Variants in DUS2 observed in about 807,000 individuals in gnomAD.
DUS2 encodes the protein tRNA-dihydrouridine(20) synthase [NAD(P)+]-like.
DUS2 carries 52 observed loss-of-function variants against 71.3 expected under a neutral mutation model. That is an observed-to-expected ratio of 0.73 (90% CI 0.58 to 0.92). The LOEUF (loss-of-function observed/expected upper bound fraction) is 0.92. DUS2 is among the 40% of genes least tolerant of loss of function. The pLI, the probability that DUS2 is intolerant of heterozygous loss-of-function variation, is 0.00. For missense variants in DUS2, 558 were observed against 622.6 expected (o/e 0.90, Z 1.10); for synonymous variants, 204 against 227.8 (o/e 0.90, Z 0.94).
At chr16:68,045,907 G>A (rs2033693779) in intron 3 of DUS2, among the ~76,000 whole-genome samples, 1 of 151,812 alleles carries the variant, frequency 6.6e-6, no homozygotes, top group Non-Finnish European at 1.5e-5. Flanking sequence ...TAGTAGTTAC[G>A]GGGTTTCACC....
intron 2 of DUS2, among the ~76,000 whole-genome samples, chr16:68,033,633 AAT>A (rs1491435480): frequency 7.2e-6 from 1 of 139,204 alleles, no homozygotes; most frequent in Non-Finnish European, 1.6e-5. Flanking sequence ...TACAGGTGCT[AAT>A]TTTTTTTTTT....
intron 8 of DUS2, among the ~76,000 whole-genome samples, chr16:68,064,214 T>C (rs1344062155): frequency 6.6e-6 from 1 of 152,256 alleles, no homozygotes; most frequent in Non-Finnish European, 1.5e-5. Flanking sequence ...GCTGTTCCTC[T>C]GCTCAAATAT....
chr16:68,066,392 G>C lies in DUS2; in HGVS notation c.483+10G>C, dbSNP rs1332135041. 5.0e-6 allele frequency: 8 copies of C among 1,612,458 alleles called. No individual in the cohort carries two copies. Among genetic ancestry groups the C allele is most frequent in the Non-Finnish European group, 6.8e-6 (8 of 1,178,474 alleles). On this transcript the variant is annotated intron_variant, in intron 9 of 16. Transcript: ENST00000565263. The stretch of plus-strand genomic sequence containing the variant: ...TCGCATCCTGCCATCGGTAAGGATG[G>C]TGTGTTACATATGAAGGTCCATTCT...
At chr16:68,046,584 C>A (rs976211233) in intron 3 of DUS2, among the ~76,000 whole-genome samples, 1 of 152,002 alleles carries the variant, frequency 6.6e-6, no homozygotes, top group African/African-American at 2.4e-5. Context: ...GCCTTAATTT[C>A]TTGTTTTAGG....
At chr16:68,060,559 C>G (rs907189889) in intron 7 of DUS2, among the ~76,000 whole-genome samples, 5 of 152,186 alleles carry the variant, frequency 3.3e-5, no homozygotes, top group African/African-American at 9.6e-5. Context: ...GGTAATCCAC[C>G]TGACTCAGCT....
chr16:68,071,099 C>T lies in DUS2; in HGVS notation c.801C>T (p.Tyr267=), dbSNP rs755128548. Residue 267 remains tyrosine, a synonymous_variant, in exon 12 of 17, where the codon TAC becomes TAT. Coordinates refer to ENST00000565263, the MANE Select transcript of DUS2 (RefSeq NM_017803.5). ...LRPLEEVMQK[Y]IRYAVQYDNH... ...CCCTGGAGGAGGTCATGCAGAAATA[C>T]ATCAGATACGTACGTCTCTGTACTT... The T allele has an allele frequency of 1.9e-6, 3 of 1,614,238 alleles. No individual in the cohort carries two copies. Among genetic ancestry groups the T allele is most frequent in the Middle Eastern group, 1.6e-4 (1 of 6,062 alleles).
intron 1 of DUS2, among the ~76,000 whole-genome samples, chr16:68,025,070 T>G (rs1310498936): frequency 1.3e-5 from 2 of 152,108 alleles, no homozygotes; most frequent in Non-Finnish European, 2.9e-5. Flanking sequence ...GACCTCATGA[T>G]TTGCCCACCT....
chr16:68,025,544 G>A (rs967013945), intron 2 of DUS2, 50 bp downstream of exon 2: 7 of 152,148 alleles, frequency 4.6e-5, no homozygotes, highest in African/African-American at 1.7e-4. Flanking sequence ...ATCCAGGGTA[G>A]GGTAGCTGGT....
chr16:68,063,475 T>C (rs1290043994), intron 8 of DUS2, among the ~76,000 whole-genome samples: 1 of 152,226 alleles, frequency 6.6e-6, no homozygotes, highest in African/African-American at 2.4e-5. Context: ...TTGGTGGTTG[T>C]ACAACATTGT....
chr16:68,023,733 G>C (rs1218618095), intron 1 of DUS2: 2 of 167,746 alleles, frequency 1.2e-5, no homozygotes, highest in African/African-American at 4.8e-5. Flanking sequence ...TGTGAGCCCA[G>C]AGTGCAAGCT....
chr16:68,078,223 C>G, intron 15 of DUS2: 1 of 578,390 alleles, frequency 1.7e-6, no homozygotes, highest in East Asian at 2.9e-5. Flanking sequence ...GGCTCTGCTG[C>G]GCTTTGCTTA....
chr16:68,064,711 C>T (rs2033982645), intron 8 of DUS2, among the ~76,000 whole-genome samples: 1 of 152,204 alleles, frequency 6.6e-6, no homozygotes, highest in Non-Finnish European at 1.5e-5. Flanking sequence ...AAGTCTGCCT[C>T]CTGGAGCAGC....
intron 6 of DUS2, among the ~76,000 whole-genome samples, chr16:68,055,907 A>G (rs141934828): frequency 2.0e-5 from 3 of 150,540 alleles, no homozygotes; most frequent in African/African-American, 7.3e-5. Flanking sequence ...GATTCTTTTG[A>G]CATCTAAGAA....
chr16:68,076,985 G>A (rs1003747241), intron 15 of DUS2, among the ~76,000 whole-genome samples: 7 of 151,668 alleles, frequency 4.6e-5, no homozygotes, highest in Non-Finnish European at 5.9e-5. Context: ...AGCCGGGCAC[G>A]GTGGCTCATG....
intron 6 of DUS2, among the ~76,000 whole-genome samples, chr16:68,055,165 T>C (rs2033834487): frequency 6.6e-6 from 1 of 152,214 alleles, no homozygotes; most frequent in African/African-American, 2.4e-5. Flanking sequence ...AGCTGTTTTT[T>C]TGTATTTATT....
At chr16:68,050,835 G>A (rs186871366) in intron 4 of DUS2, among the ~76,000 whole-genome samples, 1 of 152,180 alleles carries the variant, frequency 6.6e-6, no homozygotes, top group African/African-American at 2.4e-5. Flanking sequence ...CTTAACAGGG[G>A]TTCCCAGTAT....
chr16:68,043,174 C>T lies in DUS2; in HGVS notation c.126+5025C>T, dbSNP rs182127068. Among the ~76,000 whole-genome samples the T allele has an allele frequency of 3.0e-4, 46 of 152,084 alleles. No homozygotes were observed. In the East Asian group the frequency reaches 7.2e-3, roughly 24 times the overall value. On this transcript the variant is annotated intron_variant, in intron 3 of 16. Transcript: ENST00000565263. ...CTGTAATCCCAGAACTTTGAGAGGCCGACTCAGGTGGATCACGAGGTCAGG... is the reference window on the plus strand; with the variant it reads ...CTGTAATCCCAGAACTTTGAGAGGCTGACTCAGGTGGATCACGAGGTCAGG...
At chr16:68,070,084 T>G in intron 10 of DUS2, 50 bp from the exon 11 acceptor site, 1 of 1,525,282 alleles carries the variant, frequency 6.6e-7, no homozygotes, top group Non-Finnish European at 9.1e-7. Flanking sequence ...GTGTGAGTGG[T>G]GTCGTGGCTT....
chr16:68,070,461 G>A (rs1014996351), intron 11 of DUS2, among the ~76,000 whole-genome samples: 3 of 152,226 alleles, frequency 2.0e-5, no homozygotes, highest in African/African-American at 7.2e-5. Flanking sequence ...AGAGCAGGGG[G>A]TCCTTGGAGC....
Sources: gnomAD v4.1 joint callset for allele counts (sites outside exome capture counted in the v4.1 genomes callset) on GRCh38, gnomAD v4.1.1 for gene constraint, MANE v1.5 for transcripts, NCBI Gene and HGNC (gene_info 2026-07-23, HGNC 2026-07-21) for gene names.